Variants in CAP2 observed in about 807,000 individuals in gnomAD.
CAP2 encodes cyclase associated actin cytoskeleton regulatory protein 2.
Under a neutral mutation model 57.7 loss-of-function variants are expected in CAP2, and 24 were observed. That is an observed-to-expected ratio of 0.42 (90% confidence interval 0.30 to 0.58). The LOEUF (loss-of-function observed/expected upper bound fraction) is 0.58. CAP2 is among the 20% of genes least tolerant of loss of function. The pLI is 0.22. For missense variants in CAP2, 501 were observed against 590.3 expected (o/e 0.85, Z 1.57); for synonymous variants, 194 against 207.2 (o/e 0.94, Z 0.55).
chr6:17,537,417 G>C (rs959033145), intron 7 of CAP2, among the ~76,000 whole-genome samples: 6 of 151,952 alleles, frequency 3.9e-5, no homozygotes, highest in Non-Finnish European at 8.8e-5. Flanking sequence ...CAAACTCCTG[G>C]CTCAAGTGAT....
At chr6:17,539,687 T>C (rs943100372) in intron 8 of CAP2, among the ~76,000 whole-genome samples, 1 of 152,166 alleles carries the variant, frequency 6.6e-6, no homozygotes, top group Non-Finnish European at 1.5e-5. Flanking sequence ...TCAGAGACTC[T>C]GGGTTCTAAA....
intron 3 of CAP2, among the ~76,000 whole-genome samples, chr6:17,429,365 A>G (rs1292253626): frequency 6.6e-6 from 1 of 151,842 alleles, no homozygotes; most frequent in Non-Finnish European, 1.5e-5. Flanking sequence ...TACACAGTAC[A>G]TTATAACTCA....
At chr6:17,407,101 T>C (rs994540326) in intron 1 of CAP2, among the ~76,000 whole-genome samples, 3 of 152,232 alleles carry the variant, frequency 2.0e-5, no homozygotes, top group African/African-American at 7.2e-5. Flanking sequence ...TTCTTCCTTC[T>C]TGAGTGTCCC....
chr6:17,500,384 T>TATATATATATATATATATATATATATA (rs869066480), intron 4 of CAP2, among the ~76,000 whole-genome samples: 3 of 124,862 alleles, frequency 2.4e-5, no homozygotes, highest in South Asian at 2.6e-4. Flanking sequence ...TATATATATA[T>TATATATATATATATATATATATATATA]TTGGAGACGG....
chr6:17,506,661 G>A (rs1466854092), intron 4 of CAP2, among the ~76,000 whole-genome samples: 1 of 151,768 alleles, frequency 6.6e-6, no homozygotes, highest in Non-Finnish European at 1.5e-5. Flanking sequence ...GGTTGCGGGG[G>A]AGGCCTCAGT....
At chr6:17,451,999 C>T (rs960617688) in intron 3 of CAP2, among the ~76,000 whole-genome samples, 1 of 152,160 alleles carries the variant, frequency 6.6e-6, no homozygotes, top group Non-Finnish European at 1.5e-5. Flanking sequence ...GATACCATGG[C>T]ATGTTTATTT....
chr6:17,483,380 A>G (rs915738495), intron 4 of CAP2, among the ~76,000 whole-genome samples: 1 of 152,158 alleles, frequency 6.6e-6, no homozygotes, highest in Non-Finnish European at 1.5e-5. Context: ...GGACAGTCAT[A>G]TGAAAATCTC....
At chr6:17,536,534 C>T (rs765427251) in intron 7 of CAP2, among the ~76,000 whole-genome samples, 16 of 152,164 alleles carry the variant, frequency 1.1e-4, no homozygotes, top group Non-Finnish European at 1.6e-4. Flanking sequence ...CTTTGTCTCG[C>T]GTTCCTGGGC....
intron 4 of CAP2, among the ~76,000 whole-genome samples, chr6:17,471,712 T>C (rs1761024743): frequency 6.6e-6 from 1 of 151,156 alleles, no homozygotes; most frequent in Non-Finnish European, 1.5e-5. Flanking sequence ...GTGCCTGTAG[T>C]CCCAGCTACT....
chr6:17,459,451 A>T (rs1343942943), intron 3 of CAP2, among the ~76,000 whole-genome samples: 1 of 152,218 alleles, frequency 6.6e-6, no homozygotes, highest in East Asian at 1.9e-4. Flanking sequence ...TATGTGCAAG[A>T]TGGAAAGAGC....
At chr6:17,539,625 A>C (rs1290422930) in intron 8 of CAP2, among the ~76,000 whole-genome samples, 167 bp downstream of exon 8, 1 of 152,138 alleles carries the variant, frequency 6.6e-6, no homozygotes. Flanking sequence ...CATGTTCCTT[A>C]TGTCCATGCA....
chr6:17,483,794 C>T (rs1761356074), intron 4 of CAP2, among the ~76,000 whole-genome samples: 1 of 152,078 alleles, frequency 6.6e-6, no homozygotes, highest in Admixed American at 6.5e-5. Flanking sequence ...TTTTCCCCGG[C>T]ATGGCTGACG....
intron 3 of CAP2, among the ~76,000 whole-genome samples, chr6:17,438,438 T>TTTTG (rs1561783592): frequency 4.6e-4 from 12 of 26,240 alleles, no homozygotes; most frequent in East Asian, 5.4e-3. Flanking sequence ...GAAGTGTTTT[T>TTTTG]TTTTTTTTTT....
At chr6:17,525,679 G>C (rs1377521781) in intron 7 of CAP2, among the ~76,000 whole-genome samples, 1 of 152,130 alleles carries the variant, frequency 6.6e-6, no homozygotes, top group African/African-American at 2.4e-5. Flanking sequence ...CATGTTTCAG[G>C]CACTGTGCCA....
intron 1 of CAP2, among the ~76,000 whole-genome samples, chr6:17,400,908 T>A: frequency 6.6e-6 from 1 of 151,174 alleles, no homozygotes. Flanking sequence ...TGAAAATGAA[T>A]TATTTTATCC....
chr6:17,547,915 C>T (rs370644954), intron 11 of CAP2, among the ~76,000 whole-genome samples: 2 of 150,538 alleles, frequency 1.3e-5, no homozygotes, highest in East Asian at 1.9e-4. Context: ...AAGGAAGAGA[C>T]AAAAATGCCC....
chr6:17,552,529 G>A (rs981126054), intron 12 of CAP2, among the ~76,000 whole-genome samples: 1 of 152,188 alleles, frequency 6.6e-6, no homozygotes, highest in Non-Finnish European at 1.5e-5. Flanking sequence ...CTACTCGGGA[G>A]GCTGAGGCAG....
chr6:17,432,967 CCT>C (rs369743292), intron 3 of CAP2, among the ~76,000 whole-genome samples: 2,513 of 146,976 alleles, frequency 0.017, 91 homozygotes, highest in African/African-American at 0.06. Context: ...CTCTCTCCCC[CCT>C]CCCTCCCTCT....
intron 4 of CAP2, among the ~76,000 whole-genome samples, chr6:17,470,147 G>A (rs565350505): frequency 6.6e-6 from 1 of 152,150 alleles, no homozygotes; most frequent in Non-Finnish European, 1.5e-5. Flanking sequence ...ATTCATCTAT[G>A]TCTTCTAAGT....
Sources: allele counts gnomAD v4.1 joint callset (sites outside exome capture counted in the v4.1 genomes callset), GRCh38; gene constraint gnomAD v4.1.1; transcripts MANE v1.5; gene names NCBI Gene and HGNC (gene_info 2026-07-23, HGNC 2026-07-21).